The following LRRC4C variants were observed in gnomAD, a reference collection of about 807,000 sequenced individuals.
The protein encoded by LRRC4C is leucine rich repeat containing 4C.
In LRRC4C, 5 loss-of-function variants were observed where a neutral mutation model predicts 33.6. The observed-to-expected ratio is 0.15, with a 90% CI of 0.08 to 0.31. The LOEUF (loss-of-function observed/expected upper bound fraction) is 0.31. LRRC4C is among the 10% of genes least tolerant of loss of function. LRRC4C has a pLI of 1.00. For synonymous variants in LRRC4C, 329 were observed against 302.0 expected (o/e 1.09, Z -0.93); for missense variants, 560 against 796.7 (o/e 0.70, Z 3.58).
chr11:41,312,340 G>C (rs1355259909), intron 1 of LRRC4C, among the ~76,000 whole-genome samples: 2 of 152,110 alleles, frequency 1.3e-5, no homozygotes, highest in Non-Finnish European at 2.9e-5. Context: ...ATATTCTCAT[G>C]AACCATTTTA....
At chr11:40,382,568 A>T (rs1353156215) in intron 3 of LRRC4C, among the ~76,000 whole-genome samples, 1 of 150,524 alleles carries the variant, frequency 6.6e-6, no homozygotes, top group Non-Finnish European at 1.5e-5. Flanking sequence ...CCTAAGATCT[A>T]CTCTCTAAGC....
At chr11:40,186,693 A>ATAAG (rs1554967536) in intron 5 of LRRC4C, among the ~76,000 whole-genome samples, 1 of 152,216 alleles carries the variant, frequency 6.6e-6, no homozygotes, top group Non-Finnish European at 1.5e-5. Flanking sequence ...CGGGCTCAGC[A>ATAAG]TAAGTTTACA....
intron 1 of LRRC4C, among the ~76,000 whole-genome samples, chr11:41,276,831 G>C (rs973011236): frequency 6.6e-6 from 1 of 152,224 alleles, no homozygotes; most frequent in South Asian, 2.1e-4. Context: ...GCTAAGAAAC[G>C]CAGGCAGCCA....
chr11:40,924,689 A>C (rs908015507), intron 2 of LRRC4C, among the ~76,000 whole-genome samples: 2 of 152,146 alleles, frequency 1.3e-5, no homozygotes, highest in Admixed American at 1.3e-4. Context: ...TAAGGTGAGG[A>C]ATATGCTAAA....
intron 3 of LRRC4C, among the ~76,000 whole-genome samples, chr11:40,646,635 C>G (rs546356251): frequency 1.1e-4 from 16 of 152,292 alleles, no homozygotes; most frequent in East Asian, 5.8e-4. Flanking sequence ...GAGACGGACT[C>G]TTGCTCTGCC....
Position 40,805,188 on chromosome 11 carries a change from G to A in LRRC4C, c.-407+128447C>T, listed in dbSNP as rs1349756518. Among the ~76,000 whole-genome samples the A allele has an allele frequency of 4.6e-5, 7 of 152,250 alleles. No homozygotes were observed. In the East Asian group the frequency reaches 5.8e-4, roughly 13 times the overall value. On this transcript the variant is annotated intron_variant, in intron 2 of 6. Coordinates refer to ENST00000528697, the MANE Select transcript of LRRC4C (RefSeq NM_001258419.2). ...TACATCACCTAACTTACTCCCTTGAGAAAAAGGATGTTTGCTGAGTGGCTG... is the reference window on the plus strand; with the variant it reads ...TACATCACCTAACTTACTCCCTTGAAAAAAAGGATGTTTGCTGAGTGGCTG...
chr11:40,641,015 CA>C (rs5791392), intron 3 of LRRC4C, among the ~76,000 whole-genome samples: 8 of 110,076 alleles, frequency 7.3e-5, no homozygotes, highest in African/African-American at 2.6e-4. Context: ...GAGTCCATCT[CA>C]AAAAAAAAAA....
chr11:41,228,264 A>G (rs545559379), intron 1 of LRRC4C, among the ~76,000 whole-genome samples: 4 of 152,198 alleles, frequency 2.6e-5, no homozygotes, highest in Non-Finnish European at 4.4e-5. Context: ...AGATAGATCA[A>G]TAGATCAATG....
At chr11:40,180,367 C>T (rs1332790171) in intron 5 of LRRC4C, among the ~76,000 whole-genome samples, 4 of 152,152 alleles carry the variant, frequency 2.6e-5, no homozygotes, top group Admixed American at 2.0e-4. Context: ...CAATTTATAC[C>T]TTTAGTTTAG....
chr11:41,006,683 C>A (rs1235477337), intron 1 of LRRC4C, among the ~76,000 whole-genome samples: 1 of 151,484 alleles, frequency 6.6e-6, no homozygotes, highest in African/African-American at 2.4e-5. Context: ...AAAGAAGAGG[C>A]AGAGAAAAAG....
At chr11:41,415,792 A>G (rs906113555) in intron 1 of LRRC4C, among the ~76,000 whole-genome samples, 2 of 152,122 alleles carry the variant, frequency 1.3e-5, no homozygotes, top group African/African-American at 4.8e-5. Flanking sequence ...CTCATAATGT[A>G]TAGGATATGT....
chr11:40,187,327 CTT>C lies in LRRC4C; in HGVS notation c.-95-46476_-95-46475del, dbSNP rs984027757. Among the ~76,000 whole-genome samples the C allele has an allele frequency of 3.0e-3, 416 of 139,862 alleles. 3 individuals carry two copies. The highest frequency in any genetic ancestry group is 9.4e-3 in the African/African-American group (360 of 38,468). The allele number at this position is 139,862 out of a possible 152,430, so 91.8% of individuals were successfully genotyped here. On this transcript the variant is annotated intron_variant, in intron 5 of 6. Coordinates refer to ENST00000528697, the MANE Select transcript of LRRC4C (RefSeq NM_001258419.2). ...TGCCTTTCGGGAGAAAATTTTCTTT[CTT>C]TTTTTTTTTTTTGAGCTGCTGAATC...
At chr11:40,190,590 G>A (rs986857794) in intron 5 of LRRC4C, among the ~76,000 whole-genome samples, 3 of 152,130 alleles carry the variant, frequency 2.0e-5, no homozygotes, top group Non-Finnish European at 4.4e-5. Context: ...ACATGAACTC[G>A]AAAAGTCACC....
At chr11:40,977,057 G>C (rs1387379928) in intron 1 of LRRC4C, among the ~76,000 whole-genome samples, 2 of 152,070 alleles carry the variant, frequency 1.3e-5, no homozygotes, top group African/African-American at 4.8e-5. Flanking sequence ...CAGGTCATCA[G>C]GTATTAGATT....
chr11:40,573,670 A>G (rs1397040701), intron 3 of LRRC4C, among the ~76,000 whole-genome samples: 1 of 152,210 alleles, frequency 6.6e-6, no homozygotes, highest in Non-Finnish European at 1.5e-5. Context: ...CCATCTATCC[A>G]ACAAACAGGG....
At chr11:40,456,739 A>T (rs778677747) in intron 3 of LRRC4C, among the ~76,000 whole-genome samples, 2 of 151,978 alleles carry the variant, frequency 1.3e-5, no homozygotes, top group Non-Finnish European at 2.9e-5. Flanking sequence ...TGGTATTGTA[A>T]AGATAATTTC....
intron 4 of LRRC4C, among the ~76,000 whole-genome samples, chr11:40,244,038 C>A (rs970599074): frequency 1.3e-5 from 2 of 152,000 alleles, no homozygotes; most frequent in African/African-American, 4.8e-5. Flanking sequence ...CATCTGTGTT[C>A]ATCATGTCTC....
rs191715948 is a variant in LRRC4C at position 40,204,135 on chromosome 11, T to G, written c.-96+37384A>C. On this transcript the variant is annotated intron_variant, in intron 5 of 6. Transcript: ENST00000528697. ...TGGGGGGCGGTCTCACCATGTTACT[T>G]ACCCAGGCTGGTCTGGAATGCCTAA... Among the ~76,000 whole-genome samples, 1,070 of 152,146 alleles carry G rather than the reference T, an allele frequency of 7.0e-3. 10 individuals carry two copies. The highest frequency in any genetic ancestry group is 8.1e-3 in the Non-Finnish European group (548 of 68,000).
chr11:40,783,853 G>A (rs915511983), intron 2 of LRRC4C, among the ~76,000 whole-genome samples: 4 of 152,044 alleles, frequency 2.6e-5, no homozygotes, highest in African/African-American at 9.7e-5. Context: ...CAGCTGTAAA[G>A]GTAATTCTGC....
Sources: gnomAD v4.1 joint callset for allele counts (sites outside exome capture counted in the v4.1 genomes callset) on GRCh38, gnomAD v4.1.1 for gene constraint, MANE v1.5 for transcripts, NCBI Gene and HGNC (gene_info 2026-07-23, HGNC 2026-07-21) for gene names.